The following ARHGEF28 variants were observed in gnomAD, a reference collection of about 807,000 sequenced individuals.
ARHGEF28 encodes 190 kDa guanine nucleotide exchange factor.
ARHGEF28 carries 152 observed loss-of-function variants against 206.6 expected under a neutral mutation model. The ratio of observed to expected loss-of-function variants is 0.74; its 90% CI spans 0.64 to 0.84. The LOEUF is 0.84. Among genes scored for constraint, ARHGEF28 ranks in the 40% least tolerant of loss-of-function variants. The probability of loss-of-function intolerance (pLI) is 0.00; values close to 1 mark genes in which losing one functional copy is unlikely to be tolerated. For missense variants in ARHGEF28, 2,028 were observed against 2,073.2 expected (o/e 0.98, Z 0.42); for synonymous variants, 763 against 776.4 (o/e 0.98, Z 0.29).
intron 1 of ARHGEF28, 27 bp from the exon 2 acceptor site, chr5:73,684,814 T>G (rs748462081): frequency 1.2e-6 from 2 of 1,603,344 alleles, no homozygotes; most frequent in South Asian, 2.3e-5. Flanking sequence ...CTGCAATAAC[T>G]TCTCTTGTTT....
intron 9 of ARHGEF28, among the ~76,000 whole-genome samples, chr5:73,823,545 A>C (rs1561431516): frequency 6.6e-6 from 1 of 152,158 alleles, no homozygotes; most frequent in Non-Finnish European, 1.5e-5. Context: ...GAGTATCTTG[A>C]AAGTTGTTGT....
At chr5:73,774,568 T>A (rs1231392835) in intron 5 of ARHGEF28, among the ~76,000 whole-genome samples, 1 of 152,192 alleles carries the variant, frequency 6.6e-6, no homozygotes, top group African/African-American at 2.4e-5. Context: ...ACAAATGCTA[T>A]GGTATGATTT....
intron 7 of ARHGEF28, among the ~76,000 whole-genome samples, chr5:73,790,816 T>A (rs572997078): frequency 1.3e-5 from 2 of 152,232 alleles, no homozygotes; most frequent in East Asian, 3.9e-4. Flanking sequence ...GTGAATTGAA[T>A]TTGTACACTA....
chr5:73,707,114 T>C (rs1244786531), intron 2 of ARHGEF28, among the ~76,000 whole-genome samples: 1 of 152,134 alleles, frequency 6.6e-6, no homozygotes, highest in East Asian at 1.9e-4. Flanking sequence ...CCTTGGACTG[T>C]GTGGCTGCCA....
chr5:73,898,152 G>A, intron 30 of ARHGEF28, 59 bp downstream of exon 30: 7 of 1,573,272 alleles, frequency 4.4e-6, no homozygotes, highest in Non-Finnish European at 4.3e-6. Flanking sequence ...AGCTTACAGT[G>A]GTCACGTAAA....
rs143434323 is a variant in ARHGEF28, at chr5:73,892,286, T to C, written c.3566+56T>C. On this transcript the variant is annotated intron_variant, in intron 27 of 35. Coordinates refer to ENST00000513042, the MANE Select transcript of ARHGEF28 (RefSeq NM_001177693.2). ...AACAGAGTTGTTCAACTGGGGAAAATATTCTAACCATGTCTTCCTGCATGA... is the reference window on the plus strand; with the variant it reads ...AACAGAGTTGTTCAACTGGGGAAAACATTCTAACCATGTCTTCCTGCATGA... 1,270 of 1,508,600 alleles carry C rather than the reference T, an allele frequency of 8.4e-4. 5 individuals carry two copies. The highest frequency in any genetic ancestry group is 7.7e-3 in the African/African-American group (553 of 72,078). The allele number at this position is 1,508,600 out of a possible 1,614,324, so 93.5% of individuals were successfully genotyped here. A position where few individuals can be genotyped will look rare whatever the true frequency, so the allele number is the denominator to read the frequency against.
intron 9 of ARHGEF28, among the ~76,000 whole-genome samples, chr5:73,813,972 A>G (rs996875221): frequency 2.6e-5 from 4 of 152,020 alleles, no homozygotes; most frequent in African/African-American, 7.2e-5. Context: ...TCACTTCTTC[A>G]GAATTACCTT....
At chr5:73,768,614 A>T (rs1386531878) in intron 4 of ARHGEF28, among the ~76,000 whole-genome samples, 1 of 152,060 alleles carries the variant, frequency 6.6e-6, no homozygotes, top group African/African-American at 2.4e-5. Flanking sequence ...TGTATCTAGG[A>T]AGTAACTAGC....
intron 16 of ARHGEF28, chr5:73,863,321 A>G (rs901281072): frequency 1.5e-4 from 23 of 152,082 alleles, no homozygotes; most frequent in African/African-American, 5.5e-4. Flanking sequence ...TTTGACTGTC[A>G]CTGCTTCTGA....
At chr5:73,892,348 C>A in intron 27 of ARHGEF28, 118 bp downstream of exon 27, 2 of 1,145,642 alleles carry the variant, frequency 1.7e-6, no homozygotes, top group Non-Finnish European at 2.4e-6. Flanking sequence ...GCCCCCTGCC[C>A]CCTGCACCTG....
chr5:73,666,357 G>A (rs1016620796), intron 1 of ARHGEF28, among the ~76,000 whole-genome samples: 2 of 152,200 alleles, frequency 1.3e-5, no homozygotes, highest in African/African-American at 4.8e-5. Flanking sequence ...GCTTGTGCCT[G>A]CAGCTTGAGT....
At chr5:73,711,878 T>A (rs1213672617) in intron 2 of ARHGEF28, among the ~76,000 whole-genome samples, 5 of 152,124 alleles carry the variant, frequency 3.3e-5, no homozygotes, top group African/African-American at 1.2e-4. Context: ...TTGCTTTTGA[T>A]CTTGGTGGGA....
rs1283644413 is a variant in ARHGEF28 at position 73,776,688 on chromosome 5, C to A, written c.832C>A (p.Leu278Ile). Residue 278 changes from leucine (L) to isoleucine (I), a missense_variant, in exon 6 of 36, where the codon CTT becomes ATT. Physicochemically the swap from Leu to Ile is conservative, Grantham distance 5. Transcript: ENST00000513042. ...GAAATACTTTTGGGATAGAGCCTTT[C>A]TTGTCAAGGTTTGTACATAGTGATT... is the stretch of plus-strand genomic sequence containing the variant. ...FRKYFWDRAF[L>I]VKAFEPEARP... 1 of 1,612,646 alleles carries A rather than the reference C, an allele frequency of 6.2e-7. No homozygotes were observed. Among genetic ancestry groups the A allele is most frequent in the Non-Finnish European group, 8.5e-7 (1 of 1,179,086 alleles).
chr5:73,696,478 C>T (rs911004948), intron 2 of ARHGEF28, among the ~76,000 whole-genome samples: 2 of 152,154 alleles, frequency 1.3e-5, no homozygotes, highest in Non-Finnish European at 2.9e-5. Flanking sequence ...AATGTCACAT[C>T]CTTAATATAG....
intron 22 of ARHGEF28, among the ~76,000 whole-genome samples, chr5:73,875,584 A>G (rs1662781622): frequency 6.6e-6 from 1 of 151,908 alleles, no homozygotes; most frequent in South Asian, 2.1e-4. Context: ...TCCATCTTGA[A>G]TTAATTTTTG....
At chr5:73,648,785 TTCC>T (rs1464163618) in intron 1 of ARHGEF28, among the ~76,000 whole-genome samples, 1 of 152,108 alleles carries the variant, frequency 6.6e-6, no homozygotes, top group East Asian at 1.9e-4. Flanking sequence ...ACTGCACCTC[TTCC>T]TCCTCCTCTT....
Position 73,873,103 on chromosome 5 carries a change from G to C in ARHGEF28, c.2671G>C (p.Asp891His). 1 of 1,613,192 alleles carries C rather than the reference G, an allele frequency of 6.2e-7. No homozygotes were observed. Among genetic ancestry groups the C allele is most frequent in the Non-Finnish European group, 8.5e-7 (1 of 1,179,558 alleles). The change falls in exon 22 of 36, where the codon GAT becomes CAT. Residue 891 changes from aspartate to histidine, a missense_variant. This residue lies in a region of ARHGEF28 where 223 missense variants were observed against 289.9 expected (regional missense o/e 0.77). Transcript: ENST00000513042. ...GCTGCAGCTGGACCACAGCACCGTG[G>C]ATAAAATTTTCCCCTGTTTAGATGA... ...EELQLDHSTV[D>H]KIFPCLDELL...
chr5:73,886,039 G>C lies in ARHGEF28; in HGVS notation c.3245G>C (p.Ser1082Thr), dbSNP rs765070161. 7.4e-6 allele frequency: 12 copies of C among 1,613,954 alleles called. 1 individual carries two copies. In the South Asian group the frequency reaches 1.2e-4, roughly 16 times the overall value. Residue 1082 changes from serine (S) to threonine (T), a missense_variant, in exon 25 of 36, where the codon AGT becomes ACT. By Grantham distance (58) the Ser-to-Thr change is moderately conservative (BLOSUM62 1). Transcript: ENST00000513042. Reference protein sequence around the residue: ...GHVFRKQALMSEERTLLYDGL... With the variant: ...GHVFRKQALMTEERTLLYDGL... ...GTGTTTAGGAAGCAGGCACTGATGA[G>C]TGAAGAAAGGACTCTGTTATATGAT...
At chr5:73,816,999 T>C (rs183193988) in intron 9 of ARHGEF28, among the ~76,000 whole-genome samples, 5 of 152,308 alleles carry the variant, frequency 3.3e-5, no homozygotes, top group African/African-American at 1.2e-4. Flanking sequence ...GGAGATTCAA[T>C]CAAGAAATGT....
Sources: allele counts gnomAD v4.1 joint callset (sites outside exome capture counted in the v4.1 genomes callset), GRCh38; gene constraint gnomAD v4.1.1; regional missense constraint gnomAD v4.1.1; transcripts MANE v1.5; gene names NCBI Gene and HGNC (gene_info 2026-07-23, HGNC 2026-07-21).